SH3D21: variants seen among roughly 807,000 people sequenced by gnomAD.
SH3D21 encodes the protein manchette microtubule inner protein 1.
A neutral mutation model predicts 82.1 loss-of-function variants in SH3D21; 83 were observed. The ratio of observed to expected loss-of-function variants is 1.01; its 90% CI spans 0.85 to 1.21. The LOEUF (loss-of-function observed/expected upper bound fraction) is 1.21. Ranked by LOEUF, SH3D21 falls within the 50% of genes most tolerant of loss-of-function variation. SH3D21 has a pLI of 0.00. For synonymous variants in SH3D21, 383 were observed against 387.8 expected (o/e 0.99, Z 0.15); for missense variants, 980 against 962.1 (o/e 1.02, Z -0.25).
downstream of SH3D21, chr1:36,322,819 G>A (rs576634477): frequency 2.7e-6 from 4 of 1,483,916 alleles, no homozygotes; most frequent in African/African-American, 5.5e-5. Context: ...TGGGGGCGAG[G>A]CCTGTAACCC....
At chr1:36,323,100 A>T, downstream of SH3D21, 1 of 1,552,126 alleles carries the variant, frequency 6.4e-7, no homozygotes, top group East Asian at 2.4e-5. Context: ...TCCTTCTCCC[A>T]GCCTGGAGCC....
At chr1:36,313,150 C>A (rs187141304) in intron 10 of SH3D21, among the ~76,000 whole-genome samples, 4,114 of 152,032 alleles carry the variant, frequency 0.027, 197 homozygotes, top group African/African-American at 0.094. Flanking sequence ...CGGTGAAACC[C>A]CGTCTCTACT....
Position 36,308,203 on chromosome 1 carries a change from C to T in SH3D21, c.633C>T (p.Leu211=). The T allele has an allele frequency of 6.5e-7, 1 of 1,538,606 alleles. No homozygotes were observed. The highest frequency in any genetic ancestry group is 1.2e-5 in the South Asian group (1 of 81,514). Residue 211 remains leucine (L), a synonymous_variant, in exon 8 of 16, where the codon CTC becomes CTT. Coordinates refer to ENST00000453908, the MANE Select transcript of SH3D21 (RefSeq NM_001162530.2). ...ALRRGDVVKV[L]SKTTEDKGWW... ...GGAGGGGGGACGTGGTAAAAGTACT[C>T]AGCAAGGTGTGAGACGAACAGGGTG...
chr1:36,321,597 G>T, downstream of SH3D21: 1 of 919,202 alleles, frequency 1.1e-6, no homozygotes, highest in Non-Finnish European at 1.3e-6. This position sits in a 1 kb window ranked among gnomAD's most constrained non-coding sequence, Gnocchi z 6.1. Context: ...CTGCCCTCTC[G>T]CTTGAACGCA....
downstream of SH3D21, among the ~76,000 whole-genome samples, chr1:36,329,824 G>T (rs1570422485): frequency 6.6e-6 from 1 of 152,148 alleles, no homozygotes; most frequent in South Asian, 2.1e-4. Context: ...GAAATACCTG[G>T]GAGAAGAGCC....
At chr1:36,323,128 C>A, downstream of SH3D21, 2 of 1,402,254 alleles carry the variant, frequency 1.4e-6, no homozygotes, top group Non-Finnish European at 1.9e-6. Flanking sequence ...ACCCCTTCCG[C>A]GGGCAGCTCC....
In SH3D21 at chr1:36,319,314, C is replaced by G; in HGVS notation, c.916+2C>G. 1 of 1,551,646 alleles carries G rather than the reference C, an allele frequency of 6.4e-7. No homozygotes were observed. Among genetic ancestry groups the G allele is most frequent in the Non-Finnish European group, 8.7e-7 (1 of 1,146,980 alleles). On this transcript the variant is annotated splice_donor_variant, in intron 12 of 15. Transcript: ENST00000453908. LOFTEE classifies it high-confidence loss of function. ...AGAAGCTCACCTCCCGAGACTCAGG[C>G]AAGGGCTGCCTTCCTCCAGTGCGGG...
chr1:36,313,967 A>ATTTTATTTTTT, intron 10 of SH3D21, among the ~76,000 whole-genome samples: 1 of 36,936 alleles, frequency 2.7e-5, no homozygotes, highest in East Asian at 8.7e-4. Context: ...TGCTGAACAT[A>ATTTTATTTTTT]TTTTCTTTTT....
At chr1:36,328,404 C>T (rs1456808270), downstream of SH3D21, 2 of 341,772 alleles carry the variant, frequency 5.9e-6, no homozygotes, top group Middle Eastern at 1.0e-3. Context: ...CCTCCTGAGT[C>T]CTTTGAGTGT....
chr1:36,322,437 A>AGCTCCTCCGCCGAC (rs1646480659), downstream of SH3D21: 2 of 1,603,840 alleles, frequency 1.2e-6, no homozygotes, highest in Non-Finnish European at 1.7e-6. Flanking sequence ...CGCCCGCTCC[A>AGCTCCTCCGCCGAC]GCTCCTCCGC....
Position 36,321,306 on chromosome 1 carries a change from T to G in SH3D21, c.*179T>G. Reference sequence around the variant, plus strand: ...GGGCCTCCGCATTCCTGACGGTCCCTCCCAGGCACATCTGGCCAACATGTG... The same window carrying G: ...GGGCCTCCGCATTCCTGACGGTCCCGCCCAGGCACATCTGGCCAACATGTG... On this transcript the variant is annotated 3_prime_UTR_variant, in exon 16 of 16. Coordinates refer to ENST00000453908, the MANE Select transcript of SH3D21 (RefSeq NM_001162530.2). This position sits in a 1 kb window ranked among gnomAD's most constrained non-coding sequence, Gnocchi z 6.1. 1 of 1,433,248 alleles carries G rather than the reference T, an allele frequency of 7.0e-7. No homozygotes were observed. The highest frequency in any genetic ancestry group is 9.1e-7 in the Non-Finnish European group (1 of 1,099,300). 88.8% of individuals were successfully genotyped at this position (1,433,248 alleles called of 1,614,324 possible).
At chr1:36,323,140 C>T (rs1646496836), downstream of SH3D21, 5 of 1,304,612 alleles carry the variant, frequency 3.8e-6, no homozygotes, top group Non-Finnish European at 4.2e-6. Context: ...GGCAGCTCCT[C>T]TCCCGGGAGC....
Position 36,320,346 on chromosome 1 carries a change from A to T in SH3D21, c.1683A>T (p.Pro561=). Residue 561 remains proline, a synonymous_variant, in exon 14 of 16, where the codon CCA becomes CCT. Coordinates refer to ENST00000453908, the MANE Select transcript of SH3D21 (RefSeq NM_001162530.2). The part of the protein sequence containing the change: ...KCTLVRGDSS[P]RQAELKSGPA... ...CCCTAGTTAGAGGGGACAGCTCCCC[A>T]CGCCAGGCTGAGTTGAAGTCTGGGC... 6.2e-7 allele frequency: 1 copy of T among 1,613,258 alleles called. No homozygotes were observed. The highest frequency in any genetic ancestry group is 8.5e-7 in the Non-Finnish European group (1 of 1,179,962).
chr1:36,327,270 G>T (rs1646554625), downstream of SH3D21, among the ~76,000 whole-genome samples: 1 of 152,222 alleles, frequency 6.6e-6, no homozygotes, highest in Non-Finnish European at 1.5e-5. Context: ...TCTTCAAGGG[G>T]TGTATGTCAG....
Position 36,306,446 on chromosome 1 carries a change from T to C in SH3D21, c.4+22T>C, listed in dbSNP as rs1353747637. 4 of 1,305,326 alleles carry C rather than the reference T, an allele frequency of 3.1e-6. No individual in the cohort carries two copies. In the African/African-American group the frequency reaches 4.5e-5, roughly 15 times the overall value. 80.9% of individuals were successfully genotyped at this position (1,305,326 alleles called of 1,614,324 possible). A position where few individuals can be genotyped will look rare whatever the true frequency, so the allele number is the denominator to read the frequency against. ...ATGGGTAAGTGCGGAGGCTTTGAGG[T>C]GGCCTCTCTCTGCAACCGTGGACAT... On this transcript the variant is annotated intron_variant, in intron 1 of 15. Transcript: ENST00000453908. This position sits in a 1 kb window ranked among gnomAD's most constrained non-coding sequence, Gnocchi z 4.5.
chr1:36,326,713 G>A (rs953517475), downstream of SH3D21, among the ~76,000 whole-genome samples: 3 of 152,204 alleles, frequency 2.0e-5, no homozygotes, highest in Admixed American at 6.5e-5. Context: ...AAGCCAGTGA[G>A]GGCGGGGCCG....
intron 10 of SH3D21, among the ~76,000 whole-genome samples, chr1:36,312,795 C>T (rs1315301223): frequency 2.0e-5 from 3 of 152,166 alleles, no homozygotes; most frequent in African/African-American, 7.2e-5. Flanking sequence ...ACTGCAACCT[C>T]CATCTCCCGG....
chr1:36,321,748 G>A (rs1321619048), downstream of SH3D21: 4 of 1,004,358 alleles, frequency 4.0e-6, no homozygotes, highest in African/African-American at 5.2e-5. This position sits in a 1 kb window ranked among gnomAD's most constrained non-coding sequence, Gnocchi z 6.1. Flanking sequence ...GCACTGTGGG[G>A]ACAGGGCGAC....
chr1:36,328,528 T>C (rs1239021929), downstream of SH3D21: 2 of 238,708 alleles, frequency 8.4e-6, no homozygotes, highest in African/African-American at 4.4e-5. Flanking sequence ...CCCAGCACTT[T>C]GGGAGGCCGA....
Sources: allele counts gnomAD v4.1 joint callset (sites outside exome capture counted in the v4.1 genomes callset), GRCh38; gene constraint gnomAD v4.1.1; non-coding constraint Gnocchi (gnomAD v3.1); transcripts MANE v1.5; gene names NCBI Gene and HGNC (gene_info 2026-07-23, HGNC 2026-07-21).